DIS3L2: variants seen among roughly 807,000 people sequenced by gnomAD.
DIS3L2 encodes DIS3-like exonuclease 2.
A neutral mutation model predicts 97.5 loss-of-function variants in DIS3L2; 34 were observed. The ratio of observed to expected loss-of-function variants is 0.35; its 90% CI spans 0.27 to 0.46. DIS3L2 has a LOEUF of 0.46. DIS3L2 is among the 20% of genes least tolerant of loss of function. The pLI is 1.00. For synonymous variants in DIS3L2, 435 were observed against 445.2 expected (o/e 0.98, Z 0.29); for missense variants, 1,038 against 1,146.0 (o/e 0.91, Z 1.36).
At chr2:232,295,546 C>T (rs1322199333) in intron 13 of DIS3L2, among the ~76,000 whole-genome samples, 1 of 152,194 alleles carries the variant, frequency 6.6e-6, no homozygotes, top group Non-Finnish European at 1.5e-5. Flanking sequence ...ATAGTGCCTT[C>T]TTCCTGTCAG....
In DIS3L2 at chr2:232,268,722, C is replaced by T. The variant is rs1477381209; in HGVS notation, c.1659+5282C>T. On this transcript the variant is annotated intron_variant, in intron 13 of 20. Coordinates refer to ENST00000325385, the MANE Select transcript of DIS3L2 (RefSeq NM_152383.5). This position sits in a 1 kb window ranked among gnomAD's most constrained non-coding sequence, Gnocchi z 4.1. Reference sequence around the variant, plus strand: ...TGGGTCATACAAAAGCAGGTTTGGCCTGTGGTCCATACTTTGCTGACCTCT... The same window carrying T: ...TGGGTCATACAAAAGCAGGTTTGGCTTGTGGTCCATACTTTGCTGACCTCT... Among the ~76,000 whole-genome samples, 1 of 152,200 alleles carries T rather than the reference C, an allele frequency of 6.6e-6. No individual in the cohort carries two copies. The highest frequency in any genetic ancestry group is 1.9e-4 in the East Asian group (1 of 5,200).
At chr2:232,025,071 G>A (rs1044330906) in intron 4 of DIS3L2, among the ~76,000 whole-genome samples, 6 of 152,088 alleles carry the variant, frequency 3.9e-5, no homozygotes, top group Non-Finnish European at 7.4e-5. Flanking sequence ...TATAGATGAC[G>A]AAATGGGATA....
intron 14 of DIS3L2, among the ~76,000 whole-genome samples, chr2:232,316,044 T>C (rs893203321): frequency 6.6e-6 from 1 of 152,148 alleles, no homozygotes; most frequent in Non-Finnish European, 1.5e-5. Context: ...GCAGAGGACA[T>C]GGCTCATCAC....
At chr2:232,185,114 G>C (rs573919532) in intron 9 of DIS3L2, among the ~76,000 whole-genome samples, 8 of 152,140 alleles carry the variant, frequency 5.3e-5, no homozygotes, top group Admixed American at 2.0e-4. Context: ...TTACTTTTCT[G>C]TTTCTAGGTG....
intron 14 of DIS3L2, among the ~76,000 whole-genome samples, chr2:232,309,734 T>G (rs978642584): frequency 6.6e-6 from 1 of 152,302 alleles, no homozygotes; most frequent in Middle Eastern, 3.4e-3. Flanking sequence ...CCTCACATCT[T>G]GCAGGACCTG....
chr2:232,054,607 CTCAT>C (rs1559578860), intron 5 of DIS3L2, among the ~76,000 whole-genome samples: 1 of 147,794 alleles, frequency 6.8e-6, no homozygotes, highest in South Asian at 2.4e-4. Flanking sequence ...CTTTCCTAAA[CTCAT>C]TCATTTGAGA....
downstream of DIS3L2, chr2:232,339,769 C>T (rs112451654): frequency 2.2e-5 from 10 of 454,474 alleles, no homozygotes; most frequent in African/African-American, 8.0e-5. Context: ...CTTTTGGGAG[C>T]GCAGGCAGGA....
intron 13 of DIS3L2, among the ~76,000 whole-genome samples, chr2:232,279,542 G>GT (rs869027965): frequency 8.3e-6 from 1 of 120,232 alleles, no homozygotes; most frequent in Non-Finnish European, 1.8e-5. Context: ...TTGTTTGTTT[G>GT]TTTTTTGAGA....
At chr2:232,126,519 A>G (rs1698068152) in intron 6 of DIS3L2, among the ~76,000 whole-genome samples, 1 of 152,188 alleles carries the variant, frequency 6.6e-6, no homozygotes, top group South Asian at 2.1e-4. Context: ...CAGCTATCAA[A>G]TCCACATTCC....
intron 9 of DIS3L2, among the ~76,000 whole-genome samples, chr2:232,175,688 C>T (rs763881587): frequency 6.6e-6 from 1 of 151,838 alleles, no homozygotes; most frequent in Non-Finnish European, 1.5e-5. Context: ...AGGTAGTGAG[C>T]ATAGTACCCA....
intron 6 of DIS3L2, among the ~76,000 whole-genome samples, chr2:232,117,283 A>C (rs1275624310): frequency 2.0e-5 from 3 of 152,212 alleles, no homozygotes; most frequent in Non-Finnish European, 4.4e-5. Flanking sequence ...TTAGTAGGAC[A>C]AAACAGTACT....
chr2:232,024,983 T>A (rs1020966853), intron 4 of DIS3L2, among the ~76,000 whole-genome samples: 5 of 152,178 alleles, frequency 3.3e-5, no homozygotes, highest in East Asian at 3.8e-4. Context: ...ATTCCTGACC[T>A]AACTTTTCCA....
chr2:232,335,712 G>C, intron 19 of DIS3L2, 61 bp from the exon 20 acceptor site: 1 of 1,513,820 alleles, frequency 6.6e-7, no homozygotes, highest in East Asian at 2.5e-5. Context: ...AGCCCTCCAG[G>C]GTGGAAGGGC....
intron 5 of DIS3L2, among the ~76,000 whole-genome samples, chr2:232,050,966 T>G (rs1695384094): frequency 6.6e-6 from 1 of 152,224 alleles, no homozygotes; most frequent in Non-Finnish European, 1.5e-5. Flanking sequence ...ACATTTCAAT[T>G]GCAGTTGGAA....
chr2:232,084,122 G>A (rs1464436981), intron 5 of DIS3L2, among the ~76,000 whole-genome samples: 1 of 152,054 alleles, frequency 6.6e-6, no homozygotes, highest in East Asian at 1.9e-4. Flanking sequence ...GAGTGATATC[G>A]GATTCTTTTT....
chr2:232,232,077 G>T (rs1232178831), intron 10 of DIS3L2, among the ~76,000 whole-genome samples: 1 of 152,204 alleles, frequency 6.6e-6, no homozygotes. Context: ...TGTCTTGGGG[G>T]TGTAACTGTC....
chr2:232,228,859 T>G (rs1692716122), intron 10 of DIS3L2, among the ~76,000 whole-genome samples: 1 of 152,254 alleles, frequency 6.6e-6, no homozygotes, highest in Non-Finnish European at 1.5e-5. Context: ...TCAAAACCAT[T>G]GTTACCTTCT....
intron 9 of DIS3L2, among the ~76,000 whole-genome samples, chr2:232,203,771 G>A (rs1424502402): frequency 1.3e-5 from 2 of 152,194 alleles, no homozygotes; most frequent in Non-Finnish European, 2.9e-5. Context: ...GGGAGAGATA[G>A]CTTCTATTCT....
At chr2:232,198,253 T>C (rs952047289) in intron 9 of DIS3L2, among the ~76,000 whole-genome samples, 2 of 152,100 alleles carry the variant, frequency 1.3e-5, no homozygotes, top group African/African-American at 4.8e-5. Flanking sequence ...AAAAAAAGTG[T>C]TTTTAATGAG....
Sources: gnomAD v4.1 joint callset for allele counts (sites outside exome capture counted in the v4.1 genomes callset) on GRCh38, gnomAD v4.1.1 for gene constraint, Gnocchi (gnomAD v3.1) non-coding constraint, MANE v1.5 for transcripts, NCBI Gene and HGNC (gene_info 2026-07-23, HGNC 2026-07-21) for gene names.